The following DGKB variants were observed in gnomAD, a reference collection of about 807,000 sequenced individuals.
The protein encoded by DGKB is diacylglycerol kinase beta.
A neutral mutation model predicts 114.3 loss-of-function variants in DGKB; 67 were observed. That is an observed-to-expected ratio of 0.59 (90% CI 0.48 to 0.72). DGKB has a LOEUF of 0.72. DGKB is among the 30% of genes least tolerant of loss of function. The pLI is 0.00. For synonymous variants in DGKB, 398 were observed against 323.1 expected (o/e 1.23, Z -2.49); for missense variants, 907 against 975.2 (o/e 0.93, Z 0.93).
At chr7:14,359,868 A>C (rs1176543005) in intron 21 of DGKB, among the ~76,000 whole-genome samples, 2 of 152,286 alleles carry the variant, frequency 1.3e-5, no homozygotes, top group East Asian at 1.9e-4. Flanking sequence ...TGGTGGTGGG[A>C]GTGTAAATTA....
intron 5 of DGKB, among the ~76,000 whole-genome samples, chr7:14,730,916 C>T (rs1427439284): frequency 1.3e-5 from 2 of 152,038 alleles, no homozygotes; most frequent in Admixed American, 6.6e-5. Context: ...AATTTAGAAA[C>T]CCAGGAGTAA....
intron 1 of DGKB, among the ~76,000 whole-genome samples, chr7:14,925,662 A>G (rs1210030459): frequency 6.6e-6 from 1 of 152,132 alleles, no homozygotes; most frequent in African/African-American, 2.4e-5. Flanking sequence ...GAGCAATTGT[A>G]AATCGTATTG....
chr7:14,701,854 C>G (rs937902204), intron 6 of DGKB, 124 bp from the exon 7 acceptor site: 2 of 636,522 alleles, frequency 3.1e-6, no homozygotes, highest in African/African-American at 3.7e-5. Flanking sequence ...CTGCTCCAAA[C>G]AATTAATTTG....
intron 1 of DGKB, among the ~76,000 whole-genome samples, chr7:14,939,643 T>C (rs1257742496): frequency 1.4e-5 from 2 of 146,712 alleles, no homozygotes; most frequent in Admixed American, 6.8e-5. Context: ...TTTTTTTTTT[T>C]TTTTGAGACG....
chr7:14,211,434 C>A (rs1171597570), intron 23 of DGKB, among the ~76,000 whole-genome samples: 1 of 70,630 alleles, frequency 1.4e-5, no homozygotes, highest in Non-Finnish European at 2.5e-5. Context: ...ATTTTACTCT[C>A]GTGTTTTGTG....
chr7:14,702,335 C>CA (rs1283112132), intron 6 of DGKB, among the ~76,000 whole-genome samples: 1 of 152,014 alleles, frequency 6.6e-6, no homozygotes, highest in Non-Finnish European at 1.5e-5. Flanking sequence ...AGGCGGAGTG[C>CA]AAAATAACAG....
At chr7:14,640,556 G>T (rs543423016) in intron 13 of DGKB, among the ~76,000 whole-genome samples, 1 of 152,228 alleles carries the variant, frequency 6.6e-6, no homozygotes, top group African/African-American at 2.4e-5. Flanking sequence ...TTATCAACTG[G>T]ACTGGACAGC....
chr7:14,285,283 C>T (rs1004802614), intron 23 of DGKB, among the ~76,000 whole-genome samples: 2 of 152,144 alleles, frequency 1.3e-5, no homozygotes, highest in East Asian at 3.9e-4. Context: ...AACTTACTAG[C>T]TTGTGCAGAG....
intron 23 of DGKB, among the ~76,000 whole-genome samples, chr7:14,227,591 T>C (rs1247474301): frequency 2.0e-5 from 3 of 151,760 alleles, no homozygotes; most frequent in Admixed American, 6.6e-5. Flanking sequence ...ACACAGAAAA[T>C]AGAAGAAGGA....
Position 14,161,854 on chromosome 7 carries a change from T to C in DGKB, c.2305-12616A>G, listed in dbSNP as rs145448511. ...AAGTCTTTGAGTTTTTTAAGTCTCC[T>C]CCAAAGAAATATATGCAACTGTCTT... On this transcript the variant is annotated intron_variant, in intron 25 of 25. Transcript: ENST00000402815. Among the ~76,000 whole-genome samples, 589 of 152,220 alleles carry C rather than the reference T, an allele frequency of 3.9e-3. 4 individuals are homozygous for C. Among genetic ancestry groups the C allele is most frequent in the African/African-American group, 0.013 (551 of 41,526 alleles).
chr7:14,580,977 A>G (rs1799844785), intron 18 of DGKB, 26 bp from the exon 19 acceptor site: 2 of 1,531,728 alleles, frequency 1.3e-6, no homozygotes, highest in East Asian at 4.5e-5. Context: ...AAATACAAAT[A>G]AAGAAAATTT....
At chr7:14,646,808 T>C (rs1477586017) in intron 13 of DGKB, among the ~76,000 whole-genome samples, 1 of 151,782 alleles carries the variant, frequency 6.6e-6, no homozygotes, top group Admixed American at 6.6e-5. Flanking sequence ...TAGAAATACC[T>C]ATGGGATAGA....
At chr7:14,478,672 G>A (rs1782553996) in intron 20 of DGKB, among the ~76,000 whole-genome samples, 1 of 152,004 alleles carries the variant, frequency 6.6e-6, no homozygotes, top group Non-Finnish European at 1.5e-5. Context: ...ATGAGTAAAA[G>A]GATGGTGTGA....
intron 1 of DGKB, among the ~76,000 whole-genome samples, chr7:14,843,018 G>A (rs1848148579): frequency 6.6e-6 from 1 of 152,000 alleles, no homozygotes; most frequent in Non-Finnish European, 1.5e-5. Flanking sequence ...GACCAGCCTG[G>A]ACAACATAAC....
intron 21 of DGKB, among the ~76,000 whole-genome samples, chr7:14,424,289 T>C (rs1181484230): frequency 6.6e-6 from 1 of 152,142 alleles, no homozygotes; most frequent in South Asian, 2.1e-4. Flanking sequence ...TCTTGCTACA[T>C]TGGTCTTTCC....
At chr7:14,866,306 G>A (rs1301383975) in intron 1 of DGKB, among the ~76,000 whole-genome samples, 2 of 152,042 alleles carry the variant, frequency 1.3e-5, no homozygotes, top group Non-Finnish European at 2.9e-5. Context: ...GATCTCTCTT[G>A]CGCATTCTAT....
chr7:14,803,678 T>A (rs1842453537), intron 2 of DGKB, among the ~76,000 whole-genome samples: 1 of 141,046 alleles, frequency 7.1e-6, no homozygotes. Flanking sequence ...GTGTATGCGT[T>A]TTGGTCTACT....
intron 21 of DGKB, among the ~76,000 whole-genome samples, chr7:14,448,757 C>G (rs191659450): frequency 7.9e-5 from 12 of 152,134 alleles, no homozygotes; most frequent in Non-Finnish European, 1.6e-4. Context: ...TGCTTAAGGT[C>G]ACAATTAGGA....
At chr7:14,915,843 T>C (rs528639602) in intron 1 of DGKB, among the ~76,000 whole-genome samples, 17 of 152,096 alleles carry the variant, frequency 1.1e-4, no homozygotes, top group Non-Finnish European at 2.1e-4. Flanking sequence ...TAAAACAAGT[T>C]CCTCAGAGAG....
Sources: gnomAD v4.1 joint callset for allele counts (sites outside exome capture counted in the v4.1 genomes callset) on GRCh38, gnomAD v4.1.1 for gene constraint, MANE v1.5 for transcripts, NCBI Gene and HGNC (gene_info 2026-07-23, HGNC 2026-07-21) for gene names.